ZPBP: variants seen among roughly 807,000 people sequenced by gnomAD.
The protein encoded by ZPBP is zona pellucida-binding protein 1.
Under a neutral mutation model 44.8 loss-of-function variants are expected in ZPBP, and 26 were observed. The observed-to-expected ratio is 0.58, with a 90% CI of 0.43 to 0.81. The LOEUF (loss-of-function observed/expected upper bound fraction) is 0.81, where lower values mean the gene tolerates loss of function less well. Among genes scored for constraint, ZPBP ranks in the 30% least tolerant of loss-of-function variants. The pLI, the probability that ZPBP is intolerant of heterozygous loss-of-function variation, is 0.00. For missense variants in ZPBP, 409 were observed against 434.0 expected (o/e 0.94, Z 0.51); for synonymous variants, 174 against 153.2 (o/e 1.14, Z -1.00).
At chr7:50,031,498 A>C (rs1458033776) in intron 4 of ZPBP, among the ~76,000 whole-genome samples, 188 bp from the exon 5 acceptor site, 1 of 152,172 alleles carries the variant, frequency 6.6e-6, no homozygotes. Context: ...TATGATAGAC[A>C]CTTTACAAAT....
At chr7:49,986,037 C>A (rs1349904318) in intron 6 of ZPBP, among the ~76,000 whole-genome samples, 3 of 152,148 alleles carry the variant, frequency 2.0e-5, no homozygotes, top group Admixed American at 1.3e-4. Flanking sequence ...TGTGTCCATG[C>A]ACCTAATTTT....
intron 6 of ZPBP, among the ~76,000 whole-genome samples, chr7:50,007,409 C>A (rs1584030570): frequency 6.6e-6 from 1 of 151,906 alleles, no homozygotes; most frequent in East Asian, 1.9e-4. Flanking sequence ...AACTTTCCAA[C>A]AAAGAAAAGC....
At chr7:49,856,731 G>A (rs1371650234) in intron 2 of ZPBP, among the ~76,000 whole-genome samples, 1 of 152,100 alleles carries the variant, frequency 6.6e-6, no homozygotes, top group Non-Finnish European at 1.5e-5. Flanking sequence ...TGTTCTGTTT[G>A]TTTTGTGCTG....
chr7:50,064,638 T>C (rs1006325867), intron 3 of ZPBP, among the ~76,000 whole-genome samples: 19 of 152,366 alleles, frequency 1.2e-4, no homozygotes, highest in African/African-American at 4.6e-4. Flanking sequence ...TTCTCCCATT[T>C]GCTTTTGAAA....
At chr7:49,891,193 C>CA (rs1329816169) in intron 2 of ZPBP, among the ~76,000 whole-genome samples, 1 of 151,930 alleles carries the variant, frequency 6.6e-6, no homozygotes, top group African/African-American at 2.4e-5. Flanking sequence ...AAATTATAAC[C>CA]AAAAAAATGC....
chr7:50,015,477 C>T, intron 6 of ZPBP, among the ~76,000 whole-genome samples: 1 of 152,086 alleles, frequency 6.6e-6, no homozygotes, highest in East Asian at 1.9e-4. Flanking sequence ...TTAGGACATA[C>T]CACTCTGAAC....
At chr7:49,915,247 A>G (rs1435015217) in intron 1 of ZPBP, 2 of 152,226 alleles carry the variant, frequency 1.3e-5, no homozygotes, top group African/African-American at 4.8e-5. Context: ...ACTCCAGTCC[A>G]GGCAAGTCCT....
chr7:50,057,959 G>C (rs774229732), intron 4 of ZPBP, 30 bp downstream of exon 4: 1 of 1,585,686 alleles, frequency 6.3e-7, no homozygotes, highest in South Asian at 1.1e-5. Context: ...CATTAAGAAA[G>C]GTTAAAACAC....
intron 3 of ZPBP, among the ~76,000 whole-genome samples, chr7:50,070,393 C>A (rs1041163155): frequency 1.6e-4 from 24 of 152,148 alleles, no homozygotes; most frequent in African/African-American, 5.8e-4. Flanking sequence ...CTGGTATTGT[C>A]CTACAGCCCC....
chr7:49,877,481 A>AAAAAAAATATACATATAT, intron 2 of ZPBP, among the ~76,000 whole-genome samples: 1 of 12,722 alleles, frequency 7.9e-5, no homozygotes, highest in African/African-American at 2.8e-4. Context: ...AAAAAAAAAA[A>AAAAAAAATATACATATAT]ATATATATAT....
At chr7:50,065,668 T>A (rs1245677347) in intron 3 of ZPBP, among the ~76,000 whole-genome samples, 2 of 150,912 alleles carry the variant, frequency 1.3e-5, no homozygotes, top group African/African-American at 4.9e-5. Flanking sequence ...TTTCTCCACA[T>A]ACATAGTATG....
At chr7:50,047,399 A>G (rs1319236508) in intron 4 of ZPBP, among the ~76,000 whole-genome samples, 1 of 152,128 alleles carries the variant, frequency 6.6e-6, no homozygotes, top group African/African-American at 2.4e-5. Context: ...AAAGGACAAT[A>G]CCAAAAAGTC....
At chr7:49,867,081 T>C (rs1790924078) in intron 2 of ZPBP, among the ~76,000 whole-genome samples, 1 of 152,152 alleles carries the variant, frequency 6.6e-6, no homozygotes, top group Admixed American at 6.5e-5. Flanking sequence ...TCAAGAAATG[T>C]AAATAGCCAA....
intron 1 of ZPBP, among the ~76,000 whole-genome samples, chr7:49,922,912 C>T (rs1415099368): frequency 2.0e-5 from 3 of 152,140 alleles, no homozygotes; most frequent in African/African-American, 7.2e-5. Context: ...TTGGAAATTT[C>T]AGCAGAGGAT....
At chr7:49,964,866 T>G (rs138875103) in intron 7 of ZPBP, among the ~76,000 whole-genome samples, 66 of 152,226 alleles carry the variant, frequency 4.3e-4, no homozygotes, top group African/African-American at 1.4e-3. Flanking sequence ...AGGTGACTTC[T>G]GAGGCTAGGT....
intron 2 of ZPBP, among the ~76,000 whole-genome samples, chr7:49,887,400 G>C (rs1791948093): frequency 1.3e-5 from 2 of 152,184 alleles, no homozygotes; most frequent in African/African-American, 4.8e-5. Context: ...GACAGACAAA[G>C]ATATTGACAT....
chr7:49,927,043 G>A (rs1273739930), intron 1 of ZPBP, among the ~76,000 whole-genome samples: 1 of 152,182 alleles, frequency 6.6e-6, no homozygotes, highest in Non-Finnish European at 1.5e-5. Context: ...GAAGGTCAGA[G>A]AGCCACATTT....
At chr7:49,972,063 T>C (rs1490540270) in intron 7 of ZPBP, among the ~76,000 whole-genome samples, 1 of 151,996 alleles carries the variant, frequency 6.6e-6, no homozygotes. Flanking sequence ...ATAAAAATAT[T>C]CAACAAAGTA....
At chr7:49,959,512 G>C (rs1185506808) in intron 7 of ZPBP, among the ~76,000 whole-genome samples, 2 of 151,946 alleles carry the variant, frequency 1.3e-5, no homozygotes, top group African/African-American at 4.8e-5. Flanking sequence ...ATTTAAAAGA[G>C]AGAAAATAAA....
Sources: allele counts gnomAD v4.1 joint callset (sites outside exome capture counted in the v4.1 genomes callset), GRCh38; gene constraint gnomAD v4.1.1; transcripts MANE v1.5; gene names NCBI Gene and HGNC (gene_info 2026-07-23, HGNC 2026-07-21).